Variants in EPC1 observed in about 807,000 individuals in gnomAD.
EPC1 encodes the protein enhancer of polycomb homolog 1.
In EPC1, 12 loss-of-function variants were observed where a neutral mutation model predicts 98.4. That is an observed-to-expected ratio of 0.12 (90% CI 0.08 to 0.20). EPC1 has a LOEUF of 0.20. Ranked by LOEUF, EPC1 falls within the 10% of genes least tolerant of loss-of-function variation. The pLI is 1.00. For missense variants in EPC1, 729 were observed against 990.5 expected (o/e 0.74, Z 3.54); for synonymous variants, 357 against 363.9 (o/e 0.98, Z 0.21).
chr10:32,333,295 G>GT (rs1837752637), intron 1 of EPC1, among the ~76,000 whole-genome samples: 1 of 152,186 alleles, frequency 6.6e-6, no homozygotes, highest in Non-Finnish European at 1.5e-5. Context: ...AGCCGAGATC[G>GT]TGCCACAGCC....
chr10:32,299,330 C>T (rs574869858), intron 2 of EPC1, among the ~76,000 whole-genome samples: 13 of 152,114 alleles, frequency 8.5e-5, no homozygotes, highest in East Asian at 3.9e-4. Flanking sequence ...GGATTACAGG[C>T]GCTTGCCACC....
intron 10 of EPC1, among the ~76,000 whole-genome samples, chr10:32,274,429 G>A (rs1236958266): frequency 1.3e-5 from 2 of 151,938 alleles, no homozygotes; most frequent in Non-Finnish European, 2.9e-5. Flanking sequence ...TATCCTCCAG[G>A]ATATACTTTC....
At chr10:32,315,719 C>T (rs990189846) in intron 1 of EPC1, among the ~76,000 whole-genome samples, 16 of 152,330 alleles carry the variant, frequency 1.1e-4, no homozygotes, top group Non-Finnish European at 1.2e-4. Context: ...TGGAGGAACA[C>T]TGCTCCAGCA....
At chr10:32,275,606 A>AAAAAAAAC (rs2132651709) in intron 10 of EPC1, among the ~76,000 whole-genome samples, 1 of 152,040 alleles carries the variant, frequency 6.6e-6, no homozygotes, top group East Asian at 1.9e-4. Flanking sequence ...CTCTACCAAA[A>AAAAAAAAC]AAAAAAAACA....
At chr10:32,276,119 G>C (rs1836080166) in intron 10 of EPC1, among the ~76,000 whole-genome samples, 1 of 152,142 alleles carries the variant, frequency 6.6e-6, no homozygotes, top group African/African-American at 2.4e-5. Flanking sequence ...TATGGTCTAG[G>C]GGCCAAAAGA....
At chr10:32,344,887 G>C (rs1407435919) in intron 1 of EPC1, among the ~76,000 whole-genome samples, 1 of 152,166 alleles carries the variant, frequency 6.6e-6, no homozygotes, top group Non-Finnish European at 1.5e-5. Flanking sequence ...TCTGACTTCA[G>C]GTTGTAACTC....
At chr10:32,378,522 T>C in exon 1 of EPC1, 1 of 1,534,434 alleles carries the variant, frequency 6.5e-7, no homozygotes, top group Non-Finnish European at 8.8e-7. Context: ...CGGCAGTTCT[T>C]GAAAAAAAAT....
intron 6 of EPC1, among the ~76,000 whole-genome samples, chr10:32,290,252 C>T (rs973292992): frequency 5.3e-5 from 8 of 152,014 alleles, no homozygotes; most frequent in South Asian, 2.1e-4. Flanking sequence ...GAGGCCTAGA[C>T]GGGCGGATCA....
intron 1 of EPC1, among the ~76,000 whole-genome samples, chr10:32,362,309 A>G (rs941356877): frequency 1.3e-5 from 2 of 151,328 alleles, no homozygotes; most frequent in Admixed American, 6.6e-5. Flanking sequence ...TGTAATCCCT[A>G]ATGTTGGAGG....
At chr10:32,362,117 A>G (rs1839459994) in intron 1 of EPC1, among the ~76,000 whole-genome samples, 1 of 152,162 alleles carries the variant, frequency 6.6e-6, no homozygotes, top group Non-Finnish European at 1.5e-5. Context: ...CTGTGTGTGG[A>G]GTAGCCATTC....
intron 2 of EPC1, among the ~76,000 whole-genome samples, chr10:32,297,282 C>CTTTT (rs555311885): frequency 7.4e-6 from 1 of 135,346 alleles, no homozygotes. Flanking sequence ...GTTAATAATT[C>CTTTT]TTTTTTTTTT....
intron 1 of EPC1, among the ~76,000 whole-genome samples, chr10:32,372,030 A>G (rs1839764529): frequency 6.6e-6 from 1 of 152,254 alleles, no homozygotes; most frequent in South Asian, 2.1e-4. Context: ...CAAAAATTAA[A>G]TGACACCCTT....
chr10:32,302,404 T>C (rs1056871976), intron 2 of EPC1, among the ~76,000 whole-genome samples: 3 of 151,974 alleles, frequency 2.0e-5, no homozygotes, highest in Middle Eastern at 6.8e-3. Context: ...TCCCAGCACT[T>C]TGGGAGGCCG....
intron 1 of EPC1, among the ~76,000 whole-genome samples, chr10:32,362,004 C>T (rs1331349234): frequency 8.5e-5 from 13 of 152,164 alleles, no homozygotes; most frequent in Non-Finnish European, 2.9e-5. Flanking sequence ...AATGCCATGG[C>T]AACATCAGGA....
intron 1 of EPC1, among the ~76,000 whole-genome samples, chr10:32,315,192 C>CTGGT: frequency 6.6e-6 from 1 of 152,168 alleles, no homozygotes; most frequent in Admixed American, 6.5e-5. Context: ...GACTCATTGC[C>CTGGT]TGGTATAATA....
chr10:32,350,574 C>T (rs371672036), upstream of EPC1, among the ~76,000 whole-genome samples: 2 of 152,056 alleles, frequency 1.3e-5, no homozygotes, highest in East Asian at 1.9e-4. Flanking sequence ...TTTATTTGGC[C>T]GGAGTTCAGT....
intron 6 of EPC1, among the ~76,000 whole-genome samples, chr10:32,290,505 A>AGAAAGAAAGAAAG (rs1339569393): frequency 2.6e-5 from 2 of 77,522 alleles, no homozygotes; most frequent in Non-Finnish European, 4.6e-5. Flanking sequence ...AAAAAAAAAA[A>AGAAAGAAAGAAAG]AAAGAAAGAA....
In EPC1 at chr10:32,299,915, GTTTT is replaced by G. The variant is rs1251836442; in HGVS notation, c.313+5853_313+5856del. Among the ~76,000 whole-genome samples the G allele has an allele frequency of 3.4e-5, 5 of 146,910 alleles. No individual in the cohort carries two copies. The South Asian group carries it at 6.5e-4, about 19-fold the overall frequency. On this transcript the variant is annotated intron_variant, in intron 2 of 13. Coordinates refer to ENST00000319778, the MANE Select transcript of EPC1 (RefSeq NM_001272004.3). ...TGATTTATGATAATTGCAAAAATGA[GTTTT>G]TTTTTTTATTTTGAGACGGAAGCTC...
At chr10:32,353,793 T>C (rs547003533) in intron 1 of EPC1, among the ~76,000 whole-genome samples, 10 of 152,384 alleles carry the variant, frequency 6.6e-5, no homozygotes, top group African/African-American at 2.4e-4. Context: ...TGCAAAAGTA[T>C]GAATACTGAA....
Sources: allele counts gnomAD v4.1 joint callset (sites outside exome capture counted in the v4.1 genomes callset), GRCh38; gene constraint gnomAD v4.1.1; transcripts MANE v1.5; gene names NCBI Gene and HGNC (gene_info 2026-07-23, HGNC 2026-07-21).